USH2A: variants seen among roughly 807,000 people sequenced by gnomAD.
The protein encoded by USH2A is usherin, also known as Usher syndrome 2A (autosomal recessive, mild).
USH2A carries 443 observed loss-of-function variants against 538.9 expected under a neutral mutation model. That is an observed-to-expected ratio of 0.82 (90% confidence interval 0.76 to 0.89). The LOEUF is 0.89. Ranked by LOEUF, USH2A falls within the 40% of genes least tolerant of loss-of-function variation. The probability of loss-of-function intolerance (pLI) is 0.00; values close to 1 mark genes in which losing one functional copy is unlikely to be tolerated. For missense variants in USH2A, 6,633 were observed against 6,324.8 expected, an observed-to-expected ratio of 1.05 and a Z score of -1.65; for synonymous variants, 2,413 against 2,273.5, an observed-to-expected ratio of 1.06 and a Z score of -1.75.
At chr1:216,349,160 A>G (rs544068733) in intron 4 of USH2A, among the ~76,000 whole-genome samples, 1 of 152,186 alleles carries the variant, frequency 6.6e-6, no homozygotes, top group Admixed American at 6.6e-5. Context: ...TTCTGAATGG[A>G]CCTTGACATA....
intron 38 of USH2A, among the ~76,000 whole-genome samples, chr1:215,927,509 T>C (rs1447934087): frequency 6.6e-6 from 1 of 152,190 alleles, no homozygotes; most frequent in Non-Finnish European, 1.5e-5. Flanking sequence ...GTTTAATATA[T>C]ATTTAAATTT....
At chr1:215,826,201 T>C (rs1049550426) in intron 47 of USH2A, among the ~76,000 whole-genome samples, 3 of 152,192 alleles carry the variant, frequency 2.0e-5, no homozygotes, top group African/African-American at 7.2e-5. Context: ...TGAAGGTACA[T>C]GGCCCAGGAC....
intron 20 of USH2A, among the ~76,000 whole-genome samples, chr1:216,177,633 T>G: frequency 6.6e-6 from 1 of 152,138 alleles, no homozygotes; most frequent in East Asian, 1.9e-4. Flanking sequence ...TTGCATACAC[T>G]GGGACCTTGC....
intron 3 of USH2A, among the ~76,000 whole-genome samples, chr1:216,373,720 A>G (rs2038759789): frequency 6.6e-6 from 1 of 152,068 alleles, no homozygotes; most frequent in Non-Finnish European, 1.5e-5. Flanking sequence ...AAAGTCTTTT[A>G]TAGAAAAAAC....
intron 35 of USH2A, among the ~76,000 whole-genome samples, chr1:215,989,565 T>C (rs779004015): frequency 1.3e-5 from 2 of 152,062 alleles, no homozygotes; most frequent in Non-Finnish European, 2.9e-5. Flanking sequence ...CAAATGCAAA[T>C]TTTTTGCATG....
intron 14 of USH2A, among the ~76,000 whole-genome samples, chr1:216,220,166 G>A (rs1364354036): frequency 6.6e-6 from 1 of 151,870 alleles, no homozygotes; most frequent in Non-Finnish European, 1.5e-5. Flanking sequence ...GCTGTAGGAG[G>A]CCCAGAGATA....
intron 5 of USH2A, among the ~76,000 whole-genome samples, chr1:216,327,292 T>C (rs1243161305): frequency 6.6e-6 from 1 of 152,170 alleles, no homozygotes; most frequent in Admixed American, 6.6e-5. Flanking sequence ...AACTACCTCA[T>C]ATAGAAAATT....
intron 4 of USH2A, among the ~76,000 whole-genome samples, chr1:216,329,297 A>G (rs1467613943): frequency 6.6e-6 from 1 of 152,182 alleles, no homozygotes; most frequent in Non-Finnish European, 1.5e-5. Context: ...CATCCAGGCA[A>G]CATGATTTAT....
At chr1:215,683,546 T>C (rs1332770814) in intron 61 of USH2A, among the ~76,000 whole-genome samples, 1 of 152,206 alleles carries the variant, frequency 6.6e-6, no homozygotes, top group Non-Finnish European at 1.5e-5. Flanking sequence ...CTTGTTATTT[T>C]TCTTAAATTT....
chr1:216,032,555 A>G (rs1279201148), intron 32 of USH2A, among the ~76,000 whole-genome samples: 1 of 152,150 alleles, frequency 6.6e-6, no homozygotes. Flanking sequence ...GAATCTGTGA[A>G]TTTCATGAGA....
At chr1:215,897,792 GAAAGAAAC>G (rs1237524625) in intron 40 of USH2A, among the ~76,000 whole-genome samples, 2 of 151,986 alleles carry the variant, frequency 1.3e-5, no homozygotes, top group Non-Finnish European at 2.9e-5. Flanking sequence ...AGAGGGGAAA[GAAAGAAAC>G]AAAGAAAGAA....
At chr1:215,636,150 A>G (rs1332199660) in intron 69 of USH2A, among the ~76,000 whole-genome samples, 1 of 152,194 alleles carries the variant, frequency 6.6e-6, no homozygotes, top group African/African-American at 2.4e-5. Flanking sequence ...ACACAACTGC[A>G]AAGCCCACTC....
intron 3 of USH2A, among the ~76,000 whole-genome samples, chr1:216,398,873 A>G (rs1280503853): frequency 6.6e-6 from 1 of 152,166 alleles, no homozygotes; most frequent in African/African-American, 2.4e-5. Flanking sequence ...GATGAGACCA[A>G]ATAAGGAGCT....
At chr1:216,222,744 C>A (rs1475191429) in intron 14 of USH2A, among the ~76,000 whole-genome samples, 1 of 152,100 alleles carries the variant, frequency 6.6e-6, no homozygotes, top group African/African-American at 2.4e-5. Context: ...TTTGGGAGGC[C>A]AAGGCGGGCA....
At chr1:216,026,028 A>G (rs1475376831) in intron 32 of USH2A, among the ~76,000 whole-genome samples, 2 of 152,128 alleles carry the variant, frequency 1.3e-5, no homozygotes, top group Non-Finnish European at 2.9e-5. Context: ...ATAGCCTTTT[A>G]AAGGTGTGGT....
chr1:215,869,342 T>A (rs1013066318), intron 43 of USH2A, among the ~76,000 whole-genome samples: 9 of 152,134 alleles, frequency 5.9e-5, no homozygotes, highest in Non-Finnish European at 8.8e-5. Flanking sequence ...ACAATCATAA[T>A]GATAATCTGT....
chr1:216,104,044 C>A (rs2032661032), intron 21 of USH2A, among the ~76,000 whole-genome samples: 1 of 151,434 alleles, frequency 6.6e-6, no homozygotes, highest in Non-Finnish European at 1.5e-5. Flanking sequence ...CTTACCTTTT[C>A]ATTTTTTTTT....
At position 215,879,580 on chromosome 1, in the gene USH2A, T is replaced by A. The variant is rs528106404; in HGVS notation, c.8224-482A>T. 2.0e-5 allele frequency among the ~76,000 whole-genome samples: 3 copies of A among 152,328 alleles called. No individual in the cohort carries two copies. The South Asian group carries it at 6.2e-4, about 32-fold the overall frequency. On this transcript the variant is annotated intron_variant, in intron 41 of 71. Coordinates refer to ENST00000307340, the MANE Select transcript of USH2A (RefSeq NM_206933.4). ...AGGGAAAGAGAAATCATTATTCATATTTTCCGAAGATGCAAAATTGAGTTC... is the reference window on the plus strand; with the variant it reads ...AGGGAAAGAGAAATCATTATTCATAATTTCCGAAGATGCAAAATTGAGTTC...
chr1:215,856,802 C>T, intron 44 of USH2A, among the ~76,000 whole-genome samples: 1 of 150,916 alleles, frequency 6.6e-6, no homozygotes, highest in East Asian at 1.9e-4. Context: ...GCCCAAACGC[C>T]CATCAATCAA....
Sources: gnomAD v4.1 joint callset for allele counts (sites outside exome capture counted in the v4.1 genomes callset) on GRCh38, gnomAD v4.1.1 for gene constraint, MANE v1.5 for transcripts, NCBI Gene and HGNC (gene_info 2026-07-23, HGNC 2026-07-21) for gene names.